GRXCR2: variants seen among roughly 807,000 people sequenced by gnomAD.
GRXCR2 encodes glutaredoxin and cysteine rich domain containing 2, also known as glutaredoxin domain-containing cysteine-rich protein 2.
A neutral mutation model predicts 24.8 loss-of-function variants in GRXCR2; 23 were observed. That is an observed-to-expected ratio of 0.93 (90% CI 0.67 to 1.32). The LOEUF is 1.32. GRXCR2 is among the 40% of genes most tolerant of loss of function. GRXCR2 has a pLI of 0.00. For synonymous variants in GRXCR2, 130 were observed against 116.1 expected (o/e 1.12, Z -0.77); for missense variants, 315 against 303.4 (o/e 1.04, Z -0.28).
At chr5:145,881,862 A>T (rs896714957) in intron 2 of GRXCR2, among the ~76,000 whole-genome samples, 1 of 152,110 alleles carries the variant, frequency 6.6e-6, no homozygotes, top group Admixed American at 6.6e-5. Context: ...CAGAAATAAC[A>T]CCACACATCT....
chr5:145,885,970 G>A (rs946525752), intron 2 of GRXCR2, among the ~76,000 whole-genome samples: 5 of 152,202 alleles, frequency 3.3e-5, no homozygotes, highest in Admixed American at 1.3e-4. Context: ...GCATCCCACA[G>A]TCATGAAATG....
chr5:145,910,849 T>A (rs1004327805), intron 2 of GRXCR2, among the ~76,000 whole-genome samples: 14 of 151,956 alleles, frequency 9.2e-5, no homozygotes, highest in African/African-American at 3.4e-4. Flanking sequence ...TGTGTGTGTG[T>A]GTGTGTGTGT....
At chr5:145,911,089 C>T (rs1347468827) in intron 2 of GRXCR2, among the ~76,000 whole-genome samples, 10 of 151,662 alleles carry the variant, frequency 6.6e-5, no homozygotes, top group South Asian at 2.1e-4. Context: ...ACTTAATTGG[C>T]GAATTAAAAT....
chr5:145,909,299 A>G (rs922358893), intron 2 of GRXCR2, among the ~76,000 whole-genome samples: 1 of 151,300 alleles, frequency 6.6e-6, no homozygotes, highest in African/African-American at 2.4e-5. Context: ...CTGGTAAATA[A>G]TAAACATCAC....
chr5:145,918,928 A>G (rs184989884), intron 2 of GRXCR2, among the ~76,000 whole-genome samples: 38 of 152,250 alleles, frequency 2.5e-4, no homozygotes, highest in African/African-American at 8.4e-4. Flanking sequence ...GTGCATGCCT[A>G]GTGCTGTGTG....
intron 2 of GRXCR2, among the ~76,000 whole-genome samples, chr5:145,862,904 GT>G (rs1159321328): frequency 6.6e-6 from 1 of 152,154 alleles, no homozygotes; most frequent in Non-Finnish European, 1.5e-5. Flanking sequence ...TGGAGCATTG[GT>G]CATGGTGCCT....
chr5:145,895,257 T>C (rs1756931884), intron 2 of GRXCR2, among the ~76,000 whole-genome samples: 1 of 151,884 alleles, frequency 6.6e-6, no homozygotes, highest in African/African-American at 2.4e-5. Flanking sequence ...CCACTCCTAT[T>C]CAACATAGTG....
At chr5:145,880,881 A>T (rs1222566270) in intron 2 of GRXCR2, among the ~76,000 whole-genome samples, 1 of 152,218 alleles carries the variant, frequency 6.6e-6, no homozygotes, top group African/African-American at 2.4e-5. Context: ...GAACATATGC[A>T]AATCAATAAA....
intron 2 of GRXCR2, among the ~76,000 whole-genome samples, chr5:145,893,191 A>T (rs1302104100): frequency 6.6e-6 from 1 of 152,218 alleles, no homozygotes; most frequent in Non-Finnish European, 1.5e-5. Context: ...CCAAATTGTA[A>T]AGACCATCAA....
intron 2 of GRXCR2, among the ~76,000 whole-genome samples, chr5:145,862,327 C>T (rs1310028419): frequency 1.3e-5 from 2 of 152,328 alleles, no homozygotes; most frequent in East Asian, 3.9e-4. Context: ...TATCTAATGT[C>T]ATATAGTTCT....
In GRXCR2 at chr5:145,887,383, C is replaced by T. The variant is rs1215527626; in HGVS notation, c.-69-20655G>A. 5.9e-5 allele frequency among the ~76,000 whole-genome samples: 9 copies of T among 152,208 alleles called. No individual in the cohort carries two copies. The South Asian group carries it at 1.9e-3, about 31-fold the overall frequency. On this transcript the variant is annotated intron_variant, in intron 2 of 3. Transcript: ENST00000639411. ...AGTAGTCGCTTATTACTTGTCGCTA[C>T]CCTATTAGACAGCTAGTCAAAGGTT...
intron 2 of GRXCR2, among the ~76,000 whole-genome samples, chr5:145,912,478 C>A (rs1178800990): frequency 6.6e-6 from 1 of 152,196 alleles, no homozygotes; most frequent in East Asian, 1.9e-4. Flanking sequence ...AGCAACAAAA[C>A]CCCTGCCCTC....
At chr5:145,906,739 G>A (rs1451202522) in intron 2 of GRXCR2, among the ~76,000 whole-genome samples, 2 of 152,128 alleles carry the variant, frequency 1.3e-5, no homozygotes, top group African/African-American at 4.8e-5. Context: ...ACTCTTCCGG[G>A]CACTGGAAAT....
intron 2 of GRXCR2, among the ~76,000 whole-genome samples, chr5:145,894,350 T>A (rs571610855): frequency 1.3e-5 from 2 of 152,248 alleles, no homozygotes; most frequent in African/African-American, 4.8e-5. Context: ...AGGAGCTGGT[T>A]TTTTGAAAAG....
intron 2 of GRXCR2, among the ~76,000 whole-genome samples, chr5:145,916,321 C>T (rs573201156): frequency 7.9e-5 from 12 of 152,320 alleles, no homozygotes; most frequent in Admixed American, 6.5e-4. Flanking sequence ...GAAATTGATG[C>T]TCTGTGGAAC....
intron 2 of GRXCR2, among the ~76,000 whole-genome samples, chr5:145,916,324 T>G (rs1757238687): frequency 6.6e-6 from 1 of 152,248 alleles, no homozygotes; most frequent in Non-Finnish European, 1.5e-5. Flanking sequence ...ATTGATGCTC[T>G]GTGGAACCAG....
chr5:145,872,571 T>C, intron 1 of GRXCR2, 62 bp downstream of exon 1: 1 of 1,393,380 alleles, frequency 7.2e-7, no homozygotes, highest in Non-Finnish European at 9.7e-7. Context: ...ATTTAGGAGT[T>C]TCTCTAAACA....
rs536652084 is a variant in GRXCR2, at chr5:145,881,780, C to T, written c.-69-15052G>A. ...CCTGACTTCAAACTATACTACAAGG[C>T]TGCAGTAACCAAAACAGCATGGTAC... On this transcript the variant is annotated intron_variant, in intron 2 of 3. Transcript: ENST00000639411. Among the ~76,000 whole-genome samples the T allele has an allele frequency of 4.0e-3, 609 of 152,304 alleles. 6 individuals carry two copies. The highest frequency in any genetic ancestry group is 0.014 in the African/African-American group (588 of 41,578).
At chr5:145,886,205 C>T (rs1414082458) in intron 2 of GRXCR2, among the ~76,000 whole-genome samples, 1 of 152,194 alleles carries the variant, frequency 6.6e-6, no homozygotes, top group Non-Finnish European at 1.5e-5. Flanking sequence ...TGTTGGTTCT[C>T]TAAGCTCTGC....
Sources: allele counts gnomAD v4.1 joint callset (sites outside exome capture counted in the v4.1 genomes callset), GRCh38; gene constraint gnomAD v4.1.1; transcripts MANE v1.5; gene names NCBI Gene and HGNC (gene_info 2026-07-23, HGNC 2026-07-21).